The following FLNB variants were observed in gnomAD, a reference collection of about 807,000 sequenced individuals.
The protein encoded by FLNB is filamin B.
FLNB carries 111 observed loss-of-function variants against 250.6 expected under a neutral mutation model. That is an observed-to-expected ratio of 0.44 (90% CI 0.38 to 0.52). The LOEUF (loss-of-function observed/expected upper bound fraction) is 0.52, where lower values mean the gene tolerates loss of function less well. FLNB is among the 20% of genes least tolerant of loss of function. FLNB has a pLI of 0.00. For synonymous variants in FLNB, 1,302 were observed against 1,372.1 expected (o/e 0.95, Z 1.13); for missense variants, 2,869 against 3,447.8 (o/e 0.83, Z 4.20).
intron 1 of FLNB, among the ~76,000 whole-genome samples, chr3:58,044,497 C>T (rs1282952492): frequency 6.6e-6 from 1 of 152,044 alleles, no homozygotes; most frequent in Non-Finnish European, 1.5e-5. Flanking sequence ...TGATGGCGCA[C>T]ACCAGTAGTC....
intron 28 of FLNB, 43 bp downstream of exon 28, chr3:58,136,211 A>G (rs2097315632): frequency 1.2e-6 from 2 of 1,603,530 alleles, no homozygotes; most frequent in Admixed American, 1.7e-5. Flanking sequence ...AGGCTTTGCA[A>G]TCAGAAAGCC....
rs771313635 is a variant in FLNB, at chr3:58,170,707, T to G, written c.7754T>G (p.Val2585Gly). 6.2e-7 allele frequency: 1 copy of G among 1,614,132 alleles called. No individual in the cohort carries two copies. Among genetic ancestry groups the G allele is most frequent in the Non-Finnish European group, 8.5e-7 (1 of 1,180,024 alleles). ...GAGAGGGGCGATTATGTGCTGGCTGTGAAGTGGGGGGAGGAACACATCCCT... is the reference window on the plus strand; with the variant it reads ...GAGAGGGGCGATTATGTGCTGGCTGGGAAGTGGGGGGAGGAACACATCCCT... ...VKERGDYVLAVKWGEEHIPGS... is the reference protein window; with the variant it reads ...VKERGDYVLAGKWGEEHIPGS... The change falls in exon 46 of 46, where the codon GTG becomes GGG. Residue 2585 changes from valine to glycine, a missense_variant. This residue lies in a region of FLNB where 1,084 missense variants were observed against 1,315.5 expected (regional missense o/e 0.82). Coordinates refer to ENST00000295956, the MANE Select transcript of FLNB (RefSeq NM_001457.4).
chr3:58,073,306 T>G (rs761015462), intron 1 of FLNB, among the ~76,000 whole-genome samples: 1 of 152,132 alleles, frequency 6.6e-6, no homozygotes. Context: ...CAATAGCACT[T>G]CAAAACAACA....
At position 58,148,403 on chromosome 3, in the gene FLNB, C is replaced by T. The variant is rs947331196; in HGVS notation, c.5887+39C>T. On this transcript the variant is annotated intron_variant, in intron 35 of 45. Coordinates refer to ENST00000295956, the MANE Select transcript of FLNB (RefSeq NM_001457.4). Reference sequence around the variant, plus strand: ...CCCTTCCTGGCTGGAGCCAGGACATCTTGGGTGGGAGATGGGGACTCTTGC... The same window carrying T: ...CCCTTCCTGGCTGGAGCCAGGACATTTTGGGTGGGAGATGGGGACTCTTGC... The T allele has an allele frequency of 1.9e-5, 31 of 1,600,438 alleles. No individual in the cohort carries two copies. In the African/African-American group the frequency reaches 2.5e-4, roughly 13 times the overall value.
Position 58,109,218 on chromosome 3 carries a change from C to A in FLNB, c.2095C>A (p.Arg699=). The change falls in exon 14 of 46, where the codon CGG becomes AGG. Residue 699 remains arginine (R), a synonymous_variant. Transcript: ENST00000295956. ...ACGCATTGACATCCAGATGAAGAACCGGATGGACGGCACATATGCATGCTC... is the reference window on the plus strand; with the variant it reads ...ACGCATTGACATCCAGATGAAGAACAGGATGGACGGCACATATGCATGCTC... ...GQRIDIQMKN[R]MDGTYACSYT... is the part of the protein sequence containing the mutation. The A allele has an allele frequency of 6.2e-7, 1 of 1,614,196 alleles. No individual in the cohort carries two copies. The highest frequency in any genetic ancestry group is 8.5e-7 in the Non-Finnish European group (1 of 1,180,036).
Position 58,148,869 on chromosome 3 carries a change from G to A in FLNB, c.6091+17G>A, listed in dbSNP as rs2097340250. On this transcript the variant is annotated intron_variant, in intron 36 of 45. Transcript: ENST00000295956. ...GGGATGCAGGTCTGTGTGGTCCCAG[G>A]GGAGAGGCCCAGAGCTTGTGGGAAC... 1 of 1,606,832 alleles carries A rather than the reference G, an allele frequency of 6.2e-7. No homozygotes were observed. The highest frequency in any genetic ancestry group is 8.5e-7 in the Non-Finnish European group (1 of 1,177,642).
chr3:58,011,286 C>T (rs1447045061), intron 1 of FLNB, among the ~76,000 whole-genome samples: 1 of 152,158 alleles, frequency 6.6e-6, no homozygotes, highest in Non-Finnish European at 1.5e-5. Context: ...GGTTAGTTAG[C>T]TTCCCTTCCT....
chr3:58,068,986 AAAATT>A (rs2097190075), intron 1 of FLNB, among the ~76,000 whole-genome samples: 2 of 152,024 alleles, frequency 1.3e-5, no homozygotes, highest in African/African-American at 2.4e-5. Context: ...GTCTCTATAA[AAAATT>A]AAATTAGCCA....
intron 1 of FLNB, among the ~76,000 whole-genome samples, chr3:58,043,336 T>A (rs537556413): frequency 3.3e-5 from 5 of 151,998 alleles, no homozygotes; most frequent in Non-Finnish European, 7.4e-5. Context: ...GATTTCATCA[T>A]GTTGACCAGG....
chr3:58,060,769 C>CAAAAAAAAA (rs71091334), intron 1 of FLNB, among the ~76,000 whole-genome samples: 52 of 64,208 alleles, frequency 8.1e-4, no homozygotes, highest in Middle Eastern at 9.8e-3. Flanking sequence ...GACCTTGTCT[C>CAAAAAAAAA]AAAAAAAAAA....
intron 9 of FLNB, among the ~76,000 whole-genome samples, chr3:58,102,777 A>G (rs2097253188): frequency 6.6e-6 from 1 of 152,240 alleles, no homozygotes; most frequent in South Asian, 2.1e-4. Context: ...TAGAGTATGA[A>G]ATTATGTCAA....
chr3:58,065,240 G>C (rs1230554230), intron 1 of FLNB, among the ~76,000 whole-genome samples: 1 of 152,202 alleles, frequency 6.6e-6, no homozygotes. Flanking sequence ...GAAATTCAGA[G>C]GCCCTGCCCT....
At chr3:58,125,071 T>C (rs892878370) in intron 22 of FLNB, among the ~76,000 whole-genome samples, 2 of 152,208 alleles carry the variant, frequency 1.3e-5, no homozygotes, top group African/African-American at 4.8e-5. Context: ...GAGTGGCTTA[T>C]GTGACTGCAG....
chr3:58,059,237 A>T (rs1439504752), intron 1 of FLNB, among the ~76,000 whole-genome samples: 1 of 152,116 alleles, frequency 6.6e-6, no homozygotes, highest in African/African-American at 2.4e-5. Context: ...AAATTCTAAC[A>T]TGTGTTTTTC....
intron 43 of FLNB, among the ~76,000 whole-genome samples, chr3:58,168,146 C>T (rs1425732257): frequency 6.6e-6 from 1 of 152,250 alleles, no homozygotes; most frequent in Non-Finnish European, 1.5e-5. Context: ...AGGCTTCTTG[C>T]CCTCAGCCAC....
intron 1 of FLNB, among the ~76,000 whole-genome samples, chr3:58,057,864 C>T (rs2097172679): frequency 6.6e-6 from 1 of 152,068 alleles, no homozygotes; most frequent in African/African-American, 2.4e-5. Context: ...AGTCTCAGCT[C>T]ACCACAACCT....
At chr3:58,062,208 G>T (rs2097179735) in intron 1 of FLNB, among the ~76,000 whole-genome samples, 2 of 152,176 alleles carry the variant, frequency 1.3e-5, no homozygotes, top group African/African-American at 4.8e-5. Context: ...GGACAGTTTG[G>T]TGTTTATGCT....
At chr3:58,112,361 C>T in intron 18 of FLNB, 43 bp downstream of exon 18, 1 of 1,581,406 alleles carries the variant, frequency 6.3e-7, no homozygotes, top group Non-Finnish European at 8.7e-7. Context: ...CCCAGCCAGG[C>T]CCCTTTCTAT....
intron 1 of FLNB, among the ~76,000 whole-genome samples, chr3:58,055,957 A>G (rs1243604772): frequency 6.6e-6 from 1 of 152,196 alleles, no homozygotes; most frequent in East Asian, 1.9e-4. Flanking sequence ...TGTGCTATCT[A>G]AAACAGTCAA....
Sources: allele counts gnomAD v4.1 joint callset (sites outside exome capture counted in the v4.1 genomes callset), GRCh38; gene constraint gnomAD v4.1.1; regional missense constraint gnomAD v4.1.1; transcripts MANE v1.5; gene names NCBI Gene and HGNC (gene_info 2026-07-23, HGNC 2026-07-21).